The following CSGALNACT1 variants were observed in gnomAD, a reference collection of about 807,000 sequenced individuals.
CSGALNACT1 encodes the protein chondroitin sulfate N-acetylgalactosaminyltransferase 1.
Under a neutral mutation model 51.0 loss-of-function variants are expected in CSGALNACT1, and 52 were observed. The ratio of observed to expected loss-of-function variants is 1.02; its 90% CI spans 0.82 to 1.29. The LOEUF is 1.29. Ranked by LOEUF, CSGALNACT1 falls within the 50% of genes most tolerant of loss-of-function variation. CSGALNACT1 has a pLI of 0.00. For missense variants in CSGALNACT1, 935 were observed against 679.2 expected, an observed-to-expected ratio of 1.38 and a Z score of -4.19; for synonymous variants, 341 against 254.4, an observed-to-expected ratio of 1.34 and a Z score of -3.24.
At chr8:19,672,417 T>C (rs907847226) in intron 1 of CSGALNACT1, among the ~76,000 whole-genome samples, 1 of 152,178 alleles carries the variant, frequency 6.6e-6, no homozygotes, top group Non-Finnish European at 1.5e-5. Context: ...ATGTTTCTCT[T>C]CTCCCACCTT....
At chr8:19,461,979 G>C (rs951292533) in intron 4 of CSGALNACT1, among the ~76,000 whole-genome samples, 1 of 149,068 alleles carries the variant, frequency 6.7e-6, no homozygotes, top group Non-Finnish European at 1.5e-5. Flanking sequence ...GGACAGGATA[G>C]CTGCACAGCA....
At chr8:19,461,298 G>C (rs536484150) in intron 4 of CSGALNACT1, among the ~76,000 whole-genome samples, 6 of 152,216 alleles carry the variant, frequency 3.9e-5, no homozygotes, top group Non-Finnish European at 7.4e-5. Context: ...GCTCACTGAG[G>C]CAACAGGCTC....
intron 7 of CSGALNACT1, among the ~76,000 whole-genome samples, chr8:19,420,125 A>G (rs1408929917): frequency 6.6e-6 from 1 of 152,182 alleles, no homozygotes; most frequent in Non-Finnish European, 1.5e-5. Flanking sequence ...TGAGTCCATT[A>G]AACCTCTTTC....
chr8:19,572,997 A>C (rs1287280625), intron 3 of CSGALNACT1, among the ~76,000 whole-genome samples: 1 of 152,228 alleles, frequency 6.6e-6, no homozygotes, highest in Non-Finnish European at 1.5e-5. Flanking sequence ...TACTTGTTAC[A>C]ACTGGTGGAA....
At chr8:19,518,416 C>G (rs1317006849) in intron 3 of CSGALNACT1, among the ~76,000 whole-genome samples, 1 of 152,124 alleles carries the variant, frequency 6.6e-6, no homozygotes, top group Non-Finnish European at 1.5e-5. Flanking sequence ...TGGCACCAAT[C>G]AACTGGAAAG....
In CSGALNACT1 at chr8:19,501,847, A is replaced by G. The variant is rs962539714; in HGVS notation, c.634+3354T>C. The stretch of plus-strand genomic sequence containing the variant: ...GAGGGATTTTCTGTGTACTTGAGAC[A>G]AACAGTGAAGCACAGGATTTGATTC... On this transcript the variant is annotated intron_variant, in intron 4 of 9. Coordinates refer to ENST00000454498, the Ensembl canonical transcript of CSGALNACT1. Among the ~76,000 whole-genome samples the G allele has an allele frequency of 4.6e-5, 7 of 152,216 alleles. No individual in the cohort carries two copies. In the East Asian group the frequency reaches 1.2e-3, roughly 25 times the overall value.
chr8:19,748,684 G>C (rs1023197133), intron 1 of CSGALNACT1, among the ~76,000 whole-genome samples: 1 of 152,120 alleles, frequency 6.6e-6, no homozygotes, highest in Admixed American at 6.6e-5. Context: ...AATTAAGTAG[G>C]CTGAGCGCAG....
At chr8:19,683,425 A>G (rs1422648369), upstream of CSGALNACT1, among the ~76,000 whole-genome samples, 2 of 152,128 alleles carry the variant, frequency 1.3e-5, no homozygotes, top group South Asian at 2.1e-4. Flanking sequence ...CAATTTAAAA[A>G]CCATTAGAAT....
intron 1 of CSGALNACT1, among the ~76,000 whole-genome samples, chr8:19,642,361 C>G (rs1350365078): frequency 6.6e-6 from 1 of 151,952 alleles, no homozygotes; most frequent in Non-Finnish European, 1.5e-5. Context: ...AAACATAAAG[C>G]TACAATAACA....
At chr8:19,741,213 G>A (rs2154249995) in intron 1 of CSGALNACT1, among the ~76,000 whole-genome samples, 1 of 152,288 alleles carries the variant, frequency 6.6e-6, no homozygotes, top group Admixed American at 6.5e-5. Context: ...CACAGAGTTG[G>A]TCACTGGTAC....
intron 9 of CSGALNACT1, 136 bp downstream of exon 8, chr8:19,408,477 T>C: frequency 2.7e-6 from 1 of 367,306 alleles, no homozygotes; most frequent in Non-Finnish European, 4.7e-6. Context: ...GCTTTTTTTT[T>C]TTTTTTTTTT....
intron 3 of CSGALNACT1, among the ~76,000 whole-genome samples, chr8:19,576,153 A>T (rs532858208): frequency 6.6e-6 from 1 of 152,186 alleles, no homozygotes; most frequent in South Asian, 2.1e-4. Flanking sequence ...TGTTTCCCTC[A>T]GTAGTGAGCA....
intron 1 of CSGALNACT1, among the ~76,000 whole-genome samples, chr8:19,647,558 T>C (rs1043764336): frequency 1.3e-5 from 2 of 152,242 alleles, no homozygotes; most frequent in Non-Finnish European, 2.9e-5. Context: ...CCAAATGGAT[T>C]ACAAATGTGC....
intron 8 of CSGALNACT1, among the ~76,000 whole-genome samples, chr8:19,414,161 C>T (rs2056425798): frequency 6.6e-6 from 1 of 152,206 alleles, no homozygotes. Context: ...CTTTCTCCTG[C>T]ACCCCCTCTT....
At chr8:19,502,577 T>C (rs796269760) in intron 4 of CSGALNACT1, among the ~76,000 whole-genome samples, 6 of 152,354 alleles carry the variant, frequency 3.9e-5, no homozygotes, top group African/African-American at 1.2e-4. Context: ...ACTCTCAAAG[T>C]GTGGAGAACT....
intron 1 of CSGALNACT1, among the ~76,000 whole-genome samples, chr8:19,608,716 T>G (rs2051757346): frequency 6.6e-6 from 1 of 152,192 alleles, no homozygotes; most frequent in South Asian, 2.1e-4. Context: ...CTGGCTAAAT[T>G]CTACCCTGTA....
Position 19,715,449 on chromosome 8 carries a change from G to C in CSGALNACT1, c.-297+42401C>G, listed in dbSNP as rs180924525. 3.9e-5 allele frequency among the ~76,000 whole-genome samples: 6 copies of C among 152,316 alleles called. No individual in the cohort carries two copies. In the East Asian group the frequency reaches 1.2e-3, roughly 29 times the overall value. On this transcript the variant is annotated intron_variant, in intron 1 of 1. Coordinates refer to the CSGALNACT1 transcript ENST00000517494. ...CCACCTCCACCAATGTTGCTGCAAA[G>C]GACATGACCTCATTCCTTTTTATGG...
chr8:19,537,509 C>G (rs1265602002), intron 3 of CSGALNACT1, among the ~76,000 whole-genome samples: 1 of 152,128 alleles, frequency 6.6e-6, no homozygotes, highest in Non-Finnish European at 1.5e-5. Flanking sequence ...TTTGACCACC[C>G]CACTCAGCAT....
chr8:19,409,659 C>T (rs1353508841), intron 8 of CSGALNACT1, among the ~76,000 whole-genome samples: 1 of 152,112 alleles, frequency 6.6e-6, no homozygotes, highest in East Asian at 1.9e-4. Context: ...ACCCCCACAT[C>T]CTGTCCTCTG....
Sources: gnomAD v4.1 joint callset for allele counts (sites outside exome capture counted in the v4.1 genomes callset) on GRCh38, gnomAD v4.1.1 for gene constraint, MANE v1.5 for transcripts, NCBI Gene and HGNC (gene_info 2026-07-23, HGNC 2026-07-21) for gene names.